The following NOL9 variants were observed in gnomAD, a reference collection of about 807,000 sequenced individuals.
The protein encoded by NOL9 is nucleolar protein 9, also known as polynucleotide 5'-hydroxyl-kinase NOL9.
In NOL9, 28 loss-of-function variants were observed where a neutral mutation model predicts 67.9. The observed-to-expected ratio is 0.41, with a 90% CI of 0.31 to 0.57. The LOEUF is 0.57. Among genes scored for constraint, NOL9 ranks in the 20% least tolerant of loss-of-function variants. The pLI is 0.25. For synonymous variants in NOL9, 356 were observed against 352.2 expected (o/e 1.01, Z -0.12); for missense variants, 777 against 897.0 (o/e 0.87, Z 1.71).
intron 3 of NOL9, among the ~76,000 whole-genome samples, chr1:6,547,706 T>C (rs72634757): frequency 0.011 from 1,674 of 151,890 alleles, 14 homozygotes; most frequent in Non-Finnish European, 0.017. Context: ...ACTACAAAAA[T>C]TAGCCGGGAG....
intron 9 of NOL9, 149 bp downstream of exon 9, chr1:6,531,819 G>T: frequency 1.5e-6 from 1 of 665,368 alleles, no homozygotes; most frequent in East Asian, 2.7e-5. Flanking sequence ...TCTGTAAAGT[G>T]GGAATAACGA....
intron 3 of NOL9, chr1:6,548,581 A>T (rs545773018): frequency 2.6e-6 from 1 of 380,806 alleles, no homozygotes; most frequent in East Asian, 6.8e-5. Flanking sequence ...ACATCATTGT[A>T]AAAGTGCTGA....
intron 10 of NOL9, 152 bp downstream of exon 10, chr1:6,528,842 C>T: frequency 1.6e-6 from 1 of 642,518 alleles, no homozygotes; most frequent in East Asian, 2.8e-5. Context: ...TCCTTCCTGG[C>T]CTCCAGCCCC....
At chr1:6,543,754 T>C (rs1356139223) in intron 5 of NOL9, among the ~76,000 whole-genome samples, 1 of 152,146 alleles carries the variant, frequency 6.6e-6, no homozygotes, top group African/African-American at 2.4e-5. Flanking sequence ...GGTAGGAGGA[T>C]TGCTTGAGCC....
At position 6,549,680 on chromosome 1, in the gene NOL9, A is replaced by G. The variant is rs1161705623; in HGVS notation, c.635T>C (p.Met212Thr). ...GGAACACTGAGGAGAAAAATTCTGC[A>G]TCGACCAACGCCTGTCATCTGTAAA... is the stretch of plus-strand genomic sequence containing the variant. Reference protein sequence around the residue: ...HLNLDDRRWSMQNFSPQCSIV... With the variant: ...HLNLDDRRWSTQNFSPQCSIV... The change falls in exon 3 of 12, where the codon ATG becomes ACG. Residue 212 changes from methionine (M) to threonine (T), a missense_variant. By Grantham distance (81) the Met-to-Thr change is moderately conservative. Around this residue, in one of 2 missense-constraint regions of NOL9, gnomAD observed 364 missense variants for 344.4 expected, o/e 1.06. Coordinates refer to ENST00000377705, the MANE Select transcript of NOL9 (RefSeq NM_024654.5). 6.2e-7 allele frequency: 1 copy of G among 1,614,164 alleles called. No homozygotes were observed. Among genetic ancestry groups the G allele is most frequent in the Non-Finnish European group, 8.5e-7 (1 of 1,180,016 alleles).
chr1:6,541,009 GCGTTTTT>G (rs1389784591), intron 6 of NOL9: 1 of 31,168 alleles, frequency 3.2e-5, no homozygotes, highest in Non-Finnish European at 8.7e-5. Context: ...CTGGTTAACA[GCGTTTTT>G]TTTTTTTTTT....
chr1:6,545,710 G>GAGCACA (rs70981384), intron 3 of NOL9, among the ~76,000 whole-genome samples: 2 of 151,864 alleles, frequency 1.3e-5, no homozygotes, highest in Non-Finnish European at 2.9e-5. Context: ...GAAGGGCCCC[G>GAGCACA]TCCTCTTGCA....
chr1:6,545,858 G>A (rs995397694), intron 3 of NOL9, among the ~76,000 whole-genome samples: 9 of 133,426 alleles, frequency 6.7e-5, no homozygotes, highest in South Asian at 5.0e-4. Flanking sequence ...AGGTTGCAGT[G>A]AGTCAAGACT....
At chr1:6,530,987 G>A (rs1279078381) in intron 9 of NOL9, among the ~76,000 whole-genome samples, 1 of 152,234 alleles carries the variant, frequency 6.6e-6, no homozygotes, top group Non-Finnish European at 1.5e-5. Flanking sequence ...GTAAAATGGG[G>A]ATAATAACAG....
intron 3 of NOL9, chr1:6,548,018 C>A: frequency 3.5e-6 from 1 of 288,124 alleles, no homozygotes; most frequent in South Asian, 3.7e-5. Context: ...ACTAGGCTGT[C>A]CCGAACCCCT....
At position 6,554,264 on chromosome 1, in the gene NOL9, G is replaced by A. The variant is rs79736441; in HGVS notation, c.239C>T (p.Thr80Ile). The change falls in exon 1 of 12, where the codon ACC (threonine) becomes ATC (isoleucine). Residue 80 changes from threonine (T) to isoleucine (I), a missense_variant. Transcript: ENST00000377705. ...SRAAAARRPN[T>I]ATPSPIPSPT... ...GCTAGGGATCGGGCTGGGGGTCGCG[G>A]TGTTGGGTCTCCGGGCCGCCGCCGC... 2,828 of 1,481,080 alleles carry A rather than the reference G, an allele frequency of 1.9e-3. 35 individuals are homozygous for A. In the African/African-American group the frequency reaches 0.032, roughly 17 times the overall value. 91.7% of individuals were successfully genotyped at this position (1,481,080 alleles called of 1,614,324 possible). A position where few individuals can be genotyped will look rare whatever the true frequency, so the allele number is the denominator to read the frequency against.
In NOL9 at chr1:6,549,552, G is replaced by C. The variant is rs1345523744; in HGVS notation, c.744+19C>G. 6.2e-7 allele frequency: 1 copy of C among 1,611,380 alleles called. No individual in the cohort carries two copies. The highest frequency in any genetic ancestry group is 1.7e-5 in the Admixed American group (1 of 59,234). The stretch of plus-strand genomic sequence containing the variant: ...TGGTGCAAGTAATTAGCAAAACTCT[G>C]AATGAAAACGGGTTCTACCTCTTGC... On this transcript the variant is annotated intron_variant, in intron 3 of 11. Transcript: ENST00000377705.
At position 6,526,724 on chromosome 1, in the gene NOL9, G is replaced by C. The variant is rs553913988; in HGVS notation, c.1931C>G (p.Ala644Gly). 1.1e-5 allele frequency: 17 copies of C among 1,613,690 alleles called. No homozygotes were observed. In the South Asian group the frequency reaches 1.6e-4, roughly 16 times the overall value. ...GCACTTAAGGACACAATGTGGAATG[G>C]CAATAGCTCCAACGAGCAGACAATT... Reference protein sequence around the residue: ...TVNCLLVGAIAIPHCVLKCQR... With the variant: ...TVNCLLVGAIGIPHCVLKCQR... The change falls in exon 11 of 12, where the codon GCC becomes GGC. Residue 644 changes from alanine to glycine, a missense_variant. Ala to Gly is a moderately conservative substitution (Grantham distance 60). Transcript: ENST00000377705.
rs1319232426 is a variant in NOL9 at position 6,554,481 on chromosome 1, G to C, written c.22C>G (p.Leu8Val). Residue 8 changes from leucine (L) to valine (V), a missense_variant, in exon 1 of 12, where the codon CTA becomes GTA. This residue lies in a region of NOL9 where 364 missense variants were observed against 344.4 expected (regional missense o/e 1.06). Coordinates refer to ENST00000377705, the MANE Select transcript of NOL9 (RefSeq NM_024654.5). The part of the protein sequence containing the change: MADSGLL[L>V]KRGSCRSTWL... ...GTGGAACGGCAGGAACCCCGCTTTA[G>C]CAGCAGTCCCGAGTCCGCCATGCTG... 1.9e-6 allele frequency: 3 copies of C among 1,544,518 alleles called. No individual in the cohort carries two copies. The highest frequency in any genetic ancestry group is 1.9e-5 in the Admixed American group (1 of 51,908).
In NOL9 at chr1:6,554,383, C is replaced by T. The variant is rs1185552280; in HGVS notation, c.120G>A (p.Leu40=). The T allele has an allele frequency of 4.0e-6, 6 of 1,485,072 alleles. No homozygotes were observed. The highest frequency in any genetic ancestry group is 4.4e-6 in the Non-Finnish European group (5 of 1,129,360). 92.0% of individuals were successfully genotyped at this position (1,485,072 alleles called of 1,614,324 possible). Residue 40 remains leucine, a synonymous_variant, in exon 1 of 12, where the codon CTG becomes CTA. Transcript: ENST00000377705. ...GTAGGCGCCGCCGACCGCACCAGCG[C>T]AGGCTCCCGAGCCGGCGGCGGGGCC... The part of the protein sequence containing the change: ...SRRPRRRLGS[L]RWCGRRRLRW...
At chr1:6,534,654 T>C (rs1268003930) in intron 6 of NOL9, among the ~76,000 whole-genome samples, 1 of 152,192 alleles carries the variant, frequency 6.6e-6, no homozygotes, top group South Asian at 2.1e-4. Context: ...AAATATATTG[T>C]AAATAATCAT....
At chr1:6,527,295 G>A (rs1453872074) in intron 10 of NOL9, among the ~76,000 whole-genome samples, 1 of 151,908 alleles carries the variant, frequency 6.6e-6, no homozygotes, top group African/African-American at 2.4e-5. Context: ...CTTGAACACT[G>A]GGGCAGTTCG....
intron 6 of NOL9, among the ~76,000 whole-genome samples, chr1:6,540,128 T>TTTTTTTTC (rs1487643848): frequency 7.6e-6 from 1 of 130,862 alleles, no homozygotes; most frequent in Non-Finnish European, 1.6e-5. Context: ...GTTATTCTTT[T>TTTTTTTTC]TTTTTTTTTT....
intron 3 of NOL9, among the ~76,000 whole-genome samples, chr1:6,547,042 A>G (rs1163800614): frequency 1.3e-5 from 2 of 152,104 alleles, no homozygotes; most frequent in East Asian, 3.9e-4. Flanking sequence ...GACATCACAC[A>G]CTGGGTTTTC....
Sources: allele counts gnomAD v4.1 joint callset (sites outside exome capture counted in the v4.1 genomes callset), GRCh38; gene constraint gnomAD v4.1.1; regional missense constraint gnomAD v4.1.1; transcripts MANE v1.5; gene names NCBI Gene and HGNC (gene_info 2026-07-23, HGNC 2026-07-21).